The following SUGCT variants were observed in gnomAD, a reference collection of about 807,000 sequenced individuals.
The protein encoded by SUGCT is succinyl-CoA:glutarate-CoA transferase, also known as succinyl-CoA:glutarate CoA-transferase.
Under a neutral mutation model 55.0 loss-of-function variants are expected in SUGCT, and 41 were observed. The ratio of observed to expected loss-of-function variants is 0.74; its 90% CI spans 0.58 to 0.97. The LOEUF (loss-of-function observed/expected upper bound fraction) is 0.97, where lower values mean the gene tolerates loss of function less well. Ranked by LOEUF, SUGCT falls within the 50% of genes least tolerant of loss-of-function variation. The probability of loss-of-function intolerance (pLI) is 0.00; values close to 1 mark genes in which losing one functional copy is unlikely to be tolerated. For synonymous variants in SUGCT, 187 were observed against 200.4 expected (o/e 0.93, Z 0.56); for missense variants, 568 against 547.8 (o/e 1.04, Z -0.37).
chr7:40,412,360 C>A (rs1786744262), intron 9 of SUGCT, among the ~76,000 whole-genome samples: 2 of 152,196 alleles, frequency 1.3e-5, no homozygotes, highest in Admixed American at 6.5e-5. Context: ...TAACTAGGAA[C>A]TAACATTTCT....
intron 9 of SUGCT, among the ~76,000 whole-genome samples, chr7:40,345,401 A>T (rs556863026): frequency 4.6e-5 from 7 of 152,194 alleles, no homozygotes; most frequent in African/African-American, 1.7e-4. Flanking sequence ...ATCATTTTGT[A>T]TGTTTTTAAA....
the SUGCT span, among the ~76,000 whole-genome samples, chr7:40,917,147 C>G: frequency 6.6e-6 from 1 of 152,220 alleles, no homozygotes; most frequent in African/African-American, 2.4e-5. Flanking sequence ...GGTTGAGAAG[C>G]ATTAGCTCCC....
At chr7:40,173,835 T>C (rs1784794385) in intron 1 of SUGCT, among the ~76,000 whole-genome samples, 1 of 149,322 alleles carries the variant, frequency 6.7e-6, no homozygotes, top group African/African-American at 2.4e-5. Flanking sequence ...AAATAATATA[T>C]AGTATATCAT....
At chr7:40,332,554 T>G (rs1418116244) in intron 9 of SUGCT, among the ~76,000 whole-genome samples, 4 of 152,124 alleles carry the variant, frequency 2.6e-5, no homozygotes, top group Non-Finnish European at 5.9e-5. Flanking sequence ...TGTTCTTTTT[T>G]GCCTACCATG....
At chr7:40,421,296 G>T (rs1295963501) in intron 9 of SUGCT, among the ~76,000 whole-genome samples, 2 of 152,116 alleles carry the variant, frequency 1.3e-5, no homozygotes, top group Admixed American at 6.6e-5. Context: ...AAGTCTCCAT[G>T]TTGTTGTCAA....
chr7:40,888,531 A>T, the SUGCT span, among the ~76,000 whole-genome samples: 1 of 152,238 alleles, frequency 6.6e-6, no homozygotes, highest in Middle Eastern at 3.4e-3. Flanking sequence ...AAATTAAAAT[A>T]AGCTTGATTT....
At chr7:40,412,482 TAAACAAC>T (rs1349525689) in intron 9 of SUGCT, among the ~76,000 whole-genome samples, 1 of 152,220 alleles carries the variant, frequency 6.6e-6, no homozygotes, top group Non-Finnish European at 1.5e-5. Flanking sequence ...CAAGATAAGA[TAAACAAC>T]AACTACTACA....
chr7:40,565,381 G>T (rs75801425), intron 12 of SUGCT, among the ~76,000 whole-genome samples: 356 of 152,322 alleles, frequency 2.3e-3, no homozygotes, highest in African/African-American at 8.3e-3. Flanking sequence ...AAAGTAAAGG[G>T]AATATGGCTT....
chr7:40,536,465 T>C (rs1794366578), intron 12 of SUGCT, among the ~76,000 whole-genome samples: 1 of 152,176 alleles, frequency 6.6e-6, no homozygotes, highest in African/African-American at 2.4e-5. Context: ...CATTTGTGAA[T>C]TGTAAGAAAA....
intron 12 of SUGCT, among the ~76,000 whole-genome samples, chr7:40,599,941 C>T (rs1054458514): frequency 2.0e-5 from 3 of 152,154 alleles, no homozygotes; most frequent in Non-Finnish European, 4.4e-5. Context: ...GGGATACCTG[C>T]GTTTCTCATT....
the SUGCT span, among the ~76,000 whole-genome samples, chr7:40,978,544 G>A: frequency 2.6e-5 from 4 of 152,164 alleles, no homozygotes; most frequent in East Asian, 3.9e-4. Flanking sequence ...AAACGTGTGA[G>A]TGGGCATAGT....
intron 12 of SUGCT, among the ~76,000 whole-genome samples, chr7:40,675,777 G>A (rs1783943470): frequency 6.6e-6 from 1 of 152,184 alleles, no homozygotes; most frequent in Admixed American, 6.5e-5. Flanking sequence ...CGGAGACAGA[G>A]GTGTCAGAAT....
chr7:40,340,845 G>A (rs963399056), intron 9 of SUGCT, among the ~76,000 whole-genome samples: 13 of 152,194 alleles, frequency 8.5e-5, no homozygotes, highest in African/African-American at 2.9e-4. Flanking sequence ...AGGAGATCTG[G>A]AAACTCAATG....
intron 9 of SUGCT, among the ~76,000 whole-genome samples, chr7:40,381,779 C>G (rs1166450773): frequency 6.6e-6 from 1 of 152,042 alleles, no homozygotes; most frequent in African/African-American, 2.4e-5. Context: ...TCTACAAACC[C>G]CATGAAACCA....
intron 12 of SUGCT, among the ~76,000 whole-genome samples, chr7:40,635,711 C>A (rs912614418): frequency 6.6e-6 from 1 of 152,182 alleles, no homozygotes; most frequent in Non-Finnish European, 1.5e-5. Flanking sequence ...TCCTATTAAT[C>A]TGTTTTTATT....
the SUGCT span, among the ~76,000 whole-genome samples, chr7:41,031,324 C>T: frequency 3.8e-4 from 58 of 152,234 alleles, no homozygotes; most frequent in African/African-American, 1.3e-3. Flanking sequence ...TCTGGGCTCT[C>T]TGATTTATGA....
At chr7:40,853,609 C>T (rs981345269) in intron 13 of SUGCT, among the ~76,000 whole-genome samples, 1 of 152,170 alleles carries the variant, frequency 6.6e-6, no homozygotes, top group African/African-American at 2.4e-5. Context: ...AGGCAATCTG[C>T]CTCCCTTGGC....
chr7:40,783,774 C>T (rs1789875979), intron 13 of SUGCT, among the ~76,000 whole-genome samples: 2 of 152,094 alleles, frequency 1.3e-5, no homozygotes, highest in African/African-American at 2.4e-5. Flanking sequence ...TTTATTTAGG[C>T]TGGGATCCTA....
At chr7:40,554,651 T>C (rs1795468540) in intron 12 of SUGCT, among the ~76,000 whole-genome samples, 4 of 152,240 alleles carry the variant, frequency 2.6e-5, no homozygotes, top group Admixed American at 2.0e-4. Flanking sequence ...ATCTACAGTC[T>C]GCATAAAAAT....
Sources: allele counts gnomAD v4.1 joint callset (sites outside exome capture counted in the v4.1 genomes callset), GRCh38; gene constraint gnomAD v4.1.1; transcripts MANE v1.5; gene names NCBI Gene and HGNC (gene_info 2026-07-23, HGNC 2026-07-21).